LRP1B: variants seen among roughly 807,000 people sequenced by gnomAD.
LRP1B encodes low-density lipoprotein receptor-related protein 1B.
Under a neutral mutation model 556.6 loss-of-function variants are expected in LRP1B, and 217 were observed. The ratio of observed to expected loss-of-function variants is 0.39; its 90% CI spans 0.35 to 0.44. LRP1B has a LOEUF of 0.44. Ranked by LOEUF, LRP1B falls within the 20% of genes least tolerant of loss-of-function variation. The pLI is 1.00. For missense variants in LRP1B, 5,053 were observed against 5,620.8 expected (o/e 0.90, Z 3.23); for synonymous variants, 2,047 against 1,865.8 (o/e 1.10, Z -2.50).
At chr2:141,993,147 G>A (rs1028942674) in intron 1 of LRP1B, among the ~76,000 whole-genome samples, 4 of 152,094 alleles carry the variant, frequency 2.6e-5, no homozygotes, top group African/African-American at 9.7e-5. Flanking sequence ...AGAGTGAAGA[G>A]AAAGGGAGAG....
At chr2:141,293,664 T>G (rs1458719817) in intron 3 of LRP1B, among the ~76,000 whole-genome samples, 2 of 152,088 alleles carry the variant, frequency 1.3e-5, no homozygotes, top group African/African-American at 4.8e-5. Flanking sequence ...TTACTTTTTT[T>G]CTTTTAGATT....
intron 1 of LRP1B, among the ~76,000 whole-genome samples, chr2:141,850,157 A>G (rs1697797475): frequency 6.6e-6 from 1 of 151,644 alleles, no homozygotes; most frequent in African/African-American, 2.4e-5. Flanking sequence ...TCATTATTAA[A>G]CCCTTTGCTG....
intron 66 of LRP1B, among the ~76,000 whole-genome samples, chr2:140,433,139 C>T (rs1686024557): frequency 6.6e-6 from 1 of 152,148 alleles, no homozygotes; most frequent in Non-Finnish European, 1.5e-5. Flanking sequence ...TGCTCTGTTG[C>T]CCCGGCTGGA....
intron 7 of LRP1B, among the ~76,000 whole-genome samples, chr2:141,153,404 T>A (rs377762169): frequency 1.8e-4 from 15 of 81,342 alleles, no homozygotes; most frequent in Non-Finnish European, 2.0e-4. Context: ...TTTATATATA[T>A]TATATATTAG....
chr2:141,818,305 C>T (rs1299112367), intron 1 of LRP1B, among the ~76,000 whole-genome samples: 1 of 152,112 alleles, frequency 6.6e-6, no homozygotes, highest in Non-Finnish European at 1.5e-5. Flanking sequence ...TATAAAATAT[C>T]AAGAAGTACC....
intron 3 of LRP1B, among the ~76,000 whole-genome samples, chr2:141,476,492 A>T (rs1179133097): frequency 6.6e-6 from 1 of 152,164 alleles, no homozygotes; most frequent in Non-Finnish European, 1.5e-5. Flanking sequence ...ACTTTTCAAA[A>T]ATATGTGATT....
intron 1 of LRP1B, among the ~76,000 whole-genome samples, chr2:141,959,256 C>T (rs910794036): frequency 6.6e-6 from 1 of 151,938 alleles, no homozygotes; most frequent in Admixed American, 6.6e-5. Context: ...GAATGCTACT[C>T]AGAAAGGTGG....
intron 11 of LRP1B, among the ~76,000 whole-genome samples, chr2:141,032,311 C>G (rs1285900874): frequency 2.0e-5 from 3 of 151,950 alleles, no homozygotes; most frequent in Admixed American, 6.6e-5. Flanking sequence ...TTTATGATTA[C>G]AAATAATGTG....
chr2:141,421,821 C>A (rs367920993), intron 3 of LRP1B, among the ~76,000 whole-genome samples: 89 of 152,264 alleles, frequency 5.8e-4, no homozygotes, highest in African/African-American at 2.0e-3. Flanking sequence ...TATCTCTGAA[C>A]GTACCAATGA....
chr2:140,759,171 ATTT>A (rs747193332), intron 35 of LRP1B, among the ~76,000 whole-genome samples: 1 of 151,910 alleles, frequency 6.6e-6, no homozygotes, highest in South Asian at 2.1e-4. Flanking sequence ...GAGAAAATAG[ATTT>A]TTTTTTAAAA....
At chr2:140,296,017 A>T (rs1471685913) in intron 84 of LRP1B, among the ~76,000 whole-genome samples, 1 of 152,192 alleles carries the variant, frequency 6.6e-6, no homozygotes. Context: ...GGTCAAAAAA[A>T]TTCAATTATT....
rs1394986531 is a variant in LRP1B, at chr2:140,314,835, T to C, written c.12805+100A>G. ...TTATATTGTGTTAGTCTATTGTTCATTAAGATATTAGGAAGTATATTTGTA... is the reference window on the plus strand; with the variant it reads ...TTATATTGTGTTAGTCTATTGTTCACTAAGATATTAGGAAGTATATTTGTA... On this transcript the variant is annotated intron_variant, in intron 83 of 90. Transcript: ENST00000389484. 25 of 773,942 alleles carry C rather than the reference T, an allele frequency of 3.2e-5. No homozygotes were observed. The East Asian group carries it at 3.8e-4, about 12-fold the overall frequency. 47.9% of individuals were successfully genotyped at this position (773,942 alleles called of 1,614,324 possible). A position where few individuals can be genotyped will look rare whatever the true frequency, so the allele number is the denominator to read the frequency against.
intron 56 of LRP1B, among the ~76,000 whole-genome samples, chr2:140,493,248 CT>C (rs1334136895): frequency 2.6e-5 from 4 of 152,050 alleles, no homozygotes; most frequent in African/African-American, 9.7e-5. Context: ...CCTCATGTGT[CT>C]TTTTTTCTAA....
chr2:140,656,721 T>C (rs984724102), intron 41 of LRP1B, among the ~76,000 whole-genome samples: 4 of 152,162 alleles, frequency 2.6e-5, no homozygotes, highest in South Asian at 2.1e-4. Context: ...AAAAGAAAAG[T>C]TTTTTGGGGT....
At chr2:142,004,630 G>T (rs539363006) in intron 1 of LRP1B, among the ~76,000 whole-genome samples, 1 of 152,012 alleles carries the variant, frequency 6.6e-6, no homozygotes, top group African/African-American at 2.4e-5. Flanking sequence ...TGGATCACCC[G>T]GGGTCAGGAG....
intron 37 of LRP1B, among the ~76,000 whole-genome samples, chr2:140,708,695 T>G (rs1686928845): frequency 1.3e-5 from 2 of 151,918 alleles, no homozygotes; most frequent in South Asian, 4.1e-4. Context: ...ATAATTTTCT[T>G]GAATAGTCCA....
intron 3 of LRP1B, among the ~76,000 whole-genome samples, chr2:141,421,275 TC>T (rs998035856): frequency 3.9e-5 from 6 of 152,158 alleles, no homozygotes; most frequent in Admixed American, 2.6e-4. Context: ...ACGCCTGTAA[TC>T]CCAGCACTTT....
intron 15 of LRP1B, among the ~76,000 whole-genome samples, chr2:141,001,419 C>G (rs575628384): frequency 6.6e-6 from 1 of 151,980 alleles, no homozygotes; most frequent in Non-Finnish European, 1.5e-5. Context: ...GTGCTGCACC[C>G]GTTAACTTGT....
chr2:141,963,488 A>G (rs1701466012), intron 1 of LRP1B, among the ~76,000 whole-genome samples: 1 of 151,982 alleles, frequency 6.6e-6, no homozygotes, highest in Non-Finnish European at 1.5e-5. Context: ...GCCAAAGACA[A>G]AAACCACATG....
Sources: gnomAD v4.1 joint callset for allele counts (sites outside exome capture counted in the v4.1 genomes callset) on GRCh38, gnomAD v4.1.1 for gene constraint, MANE v1.5 for transcripts, NCBI Gene and HGNC (gene_info 2026-07-23, HGNC 2026-07-21) for gene names.